The following VCP variants were observed in gnomAD, a reference collection of about 807,000 sequenced individuals.
The protein encoded by VCP is transitional endoplasmic reticulum ATPase.
VCP carries 6 observed loss-of-function variants against 85.7 expected under a neutral mutation model. The ratio of observed to expected loss-of-function variants is 0.07; its 90% CI spans 0.04 to 0.14. The LOEUF is 0.14. VCP is among the 10% of genes least tolerant of loss of function. VCP has a pLI of 1.00. For missense variants in VCP, 353 were observed against 1,043.4 expected (o/e 0.34, Z 9.12); for synonymous variants, 384 against 367.1 (o/e 1.05, Z -0.53).
intron 1 of VCP, chr9:35,072,093 A>G (rs1159080501): frequency 3.0e-6 from 4 of 1,329,458 alleles, no homozygotes; most frequent in South Asian, 1.7e-5. Context: ...ATGACACAGC[A>G]CGATCCGGCC....
intron 5 of VCP, among the ~76,000 whole-genome samples, chr9:35,064,546 T>G (rs1373639178): frequency 6.6e-6 from 1 of 152,110 alleles, no homozygotes; most frequent in Admixed American, 6.6e-5. Flanking sequence ...AAGATTCTCC[T>G]CTAAAGGGAT....
intron 1 of VCP, 68 bp downstream of exon 1, chr9:35,072,269 G>A (rs913088209): frequency 6.1e-6 from 9 of 1,480,778 alleles, no homozygotes; most frequent in African/African-American, 2.9e-5. Context: ...AGGCCCCGCC[G>A]GGCCTACCCT....
Position 35,062,982 on chromosome 9 carries a change from G to A in VCP, c.807C>T (p.Ile269=), listed in dbSNP as rs747249229. ...AAGATGAACCAAATATCTCACCATT[G>A]ATCAAGAAGAAGAAGGCTCCAGTCT... ...ANETGAFFFL[I]NGPEIMSKLA... is the part of the protein sequence containing the mutation. The change falls in exon 7 of 17, where the codon ATC becomes ATT. Residue 269 remains isoleucine (I), a synonymous_variant. Coordinates refer to ENST00000358901, the MANE Select transcript of VCP (RefSeq NM_007126.5). 1 of 1,613,934 alleles carries A rather than the reference G, an allele frequency of 6.2e-7. No homozygotes were observed. The highest frequency in any genetic ancestry group is 1.1e-5 in the South Asian group (1 of 91,068).
Position 35,064,138 on chromosome 9 carries a change from A to G in VCP, c.708+16T>C, listed in dbSNP as rs760337234. ...GGCACCACTTTAGACTTGATTCCAG[A>G]GCCCAGGATGCTCACCTTCACACCA... is the stretch of plus-strand genomic sequence containing the variant. On this transcript the variant is annotated intron_variant, in intron 6 of 16. Coordinates refer to ENST00000358901, the MANE Select transcript of VCP (RefSeq NM_007126.5). 5.6e-6 allele frequency: 9 copies of G among 1,614,146 alleles called. No individual in the cohort carries two copies. The African/African-American group carries it at 8.0e-5, about 14-fold the overall frequency.
intron 11 of VCP, 24 bp from the exon 12 acceptor site, chr9:35,060,947 G>C: frequency 6.2e-7 from 1 of 1,614,216 alleles, no homozygotes; most frequent in Non-Finnish European, 8.5e-7. Flanking sequence ...GAAAACTGGG[G>C]ATGAGACTTA....
chr9:35,057,099 C>A lies in VCP; in HGVS notation c.*18G>T. On this transcript the variant is annotated 3_prime_UTR_variant, in exon 17 of 17. Coordinates refer to ENST00000358901, the MANE Select transcript of VCP (RefSeq NM_007126.5). ...AAGGTCCAGGCAGGCCAGCTCACTG[C>A]ACGCTGGCCACCACCACTTAGCCAT... is the stretch of plus-strand genomic sequence containing the variant. 6.2e-7 allele frequency: 1 copy of A among 1,611,304 alleles called. No homozygotes were observed. The highest frequency in any genetic ancestry group is 2.2e-5 in the East Asian group (1 of 44,862).
chr9:35,058,984 A>G (rs1828667123), intron 15 of VCP, 80 bp downstream of exon 15: 1 of 1,586,072 alleles, frequency 6.3e-7, no homozygotes, highest in African/African-American at 1.3e-5. Flanking sequence ...AACAGCTTCT[A>G]CTCTCAACTC....
chr9:35,063,120 T>C (rs1252804063), intron 6 of VCP, 40 bp from the exon 7 acceptor site: 1 of 1,598,746 alleles, frequency 6.3e-7, no homozygotes, highest in Non-Finnish European at 8.6e-7. Flanking sequence ...TCCCACCTTC[T>C]CCCAAACCCT....
intron 10 of VCP, 39 bp downstream of exon 10, chr9:35,061,538 G>C (rs1452150581): frequency 6.3e-7 from 1 of 1,582,206 alleles, no homozygotes. Context: ...ACTGCCTAGA[G>C]ACACTGTAAC....
intron 12 of VCP, 81 bp downstream of exon 12, chr9:35,060,720 A>G: frequency 6.2e-7 from 1 of 1,611,706 alleles, no homozygotes; most frequent in African/African-American, 1.3e-5. Flanking sequence ...CTCTTGCAGC[A>G]AATGTGTTGA....
rs758602597 is a variant in VCP at position 35,057,497 on chromosome 9, G to A, written c.2194C>T (p.Arg732Cys). Residue 732 changes from arginine to cysteine, a missense_variant, in exon 16 of 17, where the codon CGT (arginine) becomes TGT (cysteine). Physicochemically the swap from Arg to Cys is radical, Grantham distance 180. Transcript: ENST00000358901. ...ATGGCTTCTTCAAAGTGATCTCGAC[G>A]GATCTCAGGCACTGGATCATCCTCT... is the stretch of plus-strand genomic sequence containing the variant. ...VEEDDPVPEI[R>C]RDHFEEAMRF... 2.5e-6 allele frequency: 4 copies of A among 1,612,838 alleles called. No homozygotes were observed. Among genetic ancestry groups the A allele is most frequent in the Admixed American group, 1.7e-5 (1 of 60,014 alleles).
At chr9:35,057,837 G>A in intron 15 of VCP, 1 of 449,290 alleles carries the variant, frequency 2.2e-6, no homozygotes, top group South Asian at 2.1e-5. Flanking sequence ...AACTGTGGTA[G>A]TAGTTATAGA....
intron 15 of VCP, among the ~76,000 whole-genome samples, chr9:35,058,270 C>T (rs1828649386): frequency 6.6e-6 from 1 of 152,128 alleles, no homozygotes. Context: ...GGAAAGAAAG[C>T]CATTTATTTG....
In VCP at chr9:35,059,238, G is replaced by C; in HGVS notation, c.2005-19C>G. 1 of 1,614,056 alleles carries C rather than the reference G, an allele frequency of 6.2e-7. No individual in the cohort carries two copies. Among genetic ancestry groups the C allele is most frequent in the Non-Finnish European group, 8.5e-7 (1 of 1,180,016 alleles). ...CCACATCCTAAAAGCAGCAGCAGAG[G>C]TACCTTAGCATTTAGCCTCTCCTCT... On this transcript the variant is annotated intron_variant, in intron 14 of 16. Transcript: ENST00000358901. This position sits in a 1 kb window ranked among gnomAD's most constrained non-coding sequence, Gnocchi z 4.9.
At chr9:35,065,765 T>C (rs186169208) in intron 4 of VCP, among the ~76,000 whole-genome samples, 2 of 152,136 alleles carry the variant, frequency 1.3e-5, no homozygotes, top group African/African-American at 4.8e-5. Flanking sequence ...CTTACTCTCC[T>C]GGAACAGAGA....
intron 5 of VCP, among the ~76,000 whole-genome samples, chr9:35,064,649 G>C (rs373541331): frequency 6.6e-6 from 1 of 152,320 alleles, no homozygotes; most frequent in East Asian, 1.9e-4. Context: ...CTGAGAAGGG[G>C]TCTCTAAAAT....
At chr9:35,065,626 T>C (rs964989234) in intron 4 of VCP, among the ~76,000 whole-genome samples, 2 of 152,104 alleles carry the variant, frequency 1.3e-5, no homozygotes, top group Non-Finnish European at 2.9e-5. Context: ...CAGAAGCCCA[T>C]CAAGTTCTGA....
Position 35,072,404 on chromosome 9 carries a change from A to G in VCP, c.-51T>C. ...CTGTGGCGGCCCGCGGGTAACGGCT[A>G]CGAGCGGTGGCAAGCGACCGACTGG... On this transcript the variant is annotated 5_prime_UTR_variant, in exon 1 of 17. Coordinates refer to ENST00000358901, the MANE Select transcript of VCP (RefSeq NM_007126.5). 6.8e-7 allele frequency: 1 copy of G among 1,466,416 alleles called. No individual in the cohort carries two copies. The highest frequency in any genetic ancestry group is 2.9e-5 in the East Asian group (1 of 34,474). 90.8% of individuals were successfully genotyped at this position (1,466,416 alleles called of 1,614,324 possible).
chr9:35,064,051 A>G, intron 6 of VCP, 103 bp downstream of exon 6: 1 of 1,578,306 alleles, frequency 6.3e-7, no homozygotes, highest in Non-Finnish European at 8.7e-7. Context: ...AATCCAAGGC[A>G]ATAATGAAAG....
Sources: allele counts gnomAD v4.1 joint callset (sites outside exome capture counted in the v4.1 genomes callset), GRCh38; gene constraint gnomAD v4.1.1; non-coding constraint Gnocchi (gnomAD v3.1); transcripts MANE v1.5; gene names NCBI Gene and HGNC (gene_info 2026-07-23, HGNC 2026-07-21).